ARHGEF3: variants seen among roughly 807,000 people sequenced by gnomAD.
ARHGEF3 encodes the protein Rho guanine nucleotide exchange factor 3.
A neutral mutation model predicts 63.2 loss-of-function variants in ARHGEF3; 28 were observed. That is an observed-to-expected ratio of 0.44 (90% CI 0.33 to 0.61). ARHGEF3 has a LOEUF of 0.61. ARHGEF3 is among the 20% of genes least tolerant of loss of function. The pLI, the probability that ARHGEF3 is intolerant of heterozygous loss-of-function variation, is 0.03. For missense variants in ARHGEF3, 533 were observed against 659.3 expected (o/e 0.81, Z 2.10); for synonymous variants, 266 against 254.2 (o/e 1.05, Z -0.44).
chr3:57,067,077 C>A (rs1003117193), intron 1 of ARHGEF3, among the ~76,000 whole-genome samples: 19 of 152,202 alleles, frequency 1.2e-4, no homozygotes, highest in African/African-American at 4.6e-4. Context: ...AGGACCTGTA[C>A]TTGCATGAAA....
intron 3 of ARHGEF3, among the ~76,000 whole-genome samples, chr3:56,892,338 A>C (rs1227280661): frequency 6.6e-6 from 1 of 152,166 alleles, no homozygotes; most frequent in Non-Finnish European, 1.5e-5. Flanking sequence ...ATGTGACGCA[A>C]AGCACAAAAT....
intron 1 of ARHGEF3, chr3:57,073,808 G>A (rs776835405): frequency 3.7e-6 from 6 of 1,614,196 alleles, no homozygotes; most frequent in Middle Eastern, 1.6e-4. Context: ...GAGGCCTTGG[G>A]TCATCCACCC....
intron 4 of ARHGEF3, among the ~76,000 whole-genome samples, chr3:56,827,888 T>TG (rs1338422358): frequency 7.8e-6 from 1 of 127,900 alleles, no homozygotes; most frequent in African/African-American, 3.0e-5. Context: ...AAGGCTGCAC[T>TG]GAGCCATGAT....
intron 3 of ARHGEF3, among the ~76,000 whole-genome samples, chr3:56,917,969 T>A (rs568639197): frequency 1.3e-5 from 2 of 152,306 alleles, no homozygotes; most frequent in South Asian, 4.1e-4. Context: ...CAAATGACAG[T>A]GTCCACTGAG....
At chr3:57,055,162 G>GTTTTTTTT (rs1560165562) in intron 1 of ARHGEF3, among the ~76,000 whole-genome samples, 2 of 139,800 alleles carry the variant, frequency 1.4e-5, no homozygotes, top group African/African-American at 5.4e-5. Flanking sequence ...TTCTCTTTAT[G>GTTTTTTTT]CTTTTTTTTT....
At chr3:56,834,746 C>CAAAAA (rs763133636) in intron 4 of ARHGEF3, among the ~76,000 whole-genome samples, 1 of 69,746 alleles carries the variant, frequency 1.4e-5, no homozygotes, top group Non-Finnish European at 3.1e-5. Flanking sequence ...CTCTGACTTA[C>CAAAAA]AAAAAAAAAA....
intron 3 of ARHGEF3, among the ~76,000 whole-genome samples, chr3:56,914,656 G>A (rs1045085865): frequency 1.1e-4 from 17 of 152,056 alleles, no homozygotes; most frequent in African/African-American, 3.1e-4. Context: ...GTACAATAAC[G>A]GAATATTCTT....
chr3:56,736,259 G>A (rs1284713275), intron 8 of ARHGEF3, among the ~76,000 whole-genome samples: 1 of 152,108 alleles, frequency 6.6e-6, no homozygotes, highest in Non-Finnish European at 1.5e-5. Context: ...AAACAACATG[G>A]TATAATGGAA....
chr3:57,005,957 C>T (rs1702450800), intron 2 of ARHGEF3, among the ~76,000 whole-genome samples: 1 of 152,154 alleles, frequency 6.6e-6, no homozygotes, highest in South Asian at 2.1e-4. Context: ...ATGATGAGCA[C>T]CTATTAGAAG....
intron 5 of ARHGEF3, 32 bp downstream of exon 5, chr3:56,751,268 A>C: frequency 1.9e-6 from 3 of 1,583,184 alleles, no homozygotes; most frequent in Non-Finnish European, 2.6e-6. Context: ...TAAGGCTACA[A>C]GTCACGACTC....
At chr3:56,861,055 C>G (rs1367717523) in intron 4 of ARHGEF3, among the ~76,000 whole-genome samples, 4 of 152,166 alleles carry the variant, frequency 2.6e-5, no homozygotes, top group Non-Finnish European at 1.5e-5. Context: ...TAGGAGAGGC[C>G]CCTGTGCAAA....
intron 2 of ARHGEF3, among the ~76,000 whole-genome samples, chr3:57,025,197 G>A (rs1484823798): frequency 6.6e-6 from 1 of 152,236 alleles, no homozygotes; most frequent in East Asian, 1.9e-4. Context: ...CTTTAGCCAG[G>A]AATGGGCCGA....
At chr3:56,926,437 T>C (rs890709311) in intron 3 of ARHGEF3, among the ~76,000 whole-genome samples, 1 of 152,254 alleles carries the variant, frequency 6.6e-6, no homozygotes, top group African/African-American at 2.4e-5. Flanking sequence ...ACAGTGGCCA[T>C]GGCCATAGAA....
chr3:56,759,790 C>A (rs1224585640), intron 2 of ARHGEF3, among the ~76,000 whole-genome samples: 1 of 152,158 alleles, frequency 6.6e-6, no homozygotes, highest in Non-Finnish European at 1.5e-5. Flanking sequence ...AAGAGATCCT[C>A]CCGCCTCAGC....
At chr3:57,075,499 T>G in intron 1 of ARHGEF3, 1 of 143,578 alleles carries the variant, frequency 7.0e-6, no homozygotes. Flanking sequence ...TCTTTTTTTT[T>G]CTTCTTTTTT....
intron 2 of ARHGEF3, among the ~76,000 whole-genome samples, chr3:56,986,166 C>T (rs1701527602): frequency 6.6e-6 from 1 of 152,206 alleles, no homozygotes. Context: ...CACCCACAAA[C>T]TACCAGCAAC....
intron 3 of ARHGEF3, among the ~76,000 whole-genome samples, chr3:56,900,456 G>T (rs1352988690): frequency 7.9e-5 from 12 of 152,092 alleles, no homozygotes; most frequent in African/African-American, 2.4e-4. Flanking sequence ...TGGGCAACAT[G>T]GCAGAACCCA....
intron 2 of ARHGEF3, among the ~76,000 whole-genome samples, chr3:56,959,214 A>T (rs1041082701): frequency 2.6e-5 from 4 of 152,202 alleles, no homozygotes; most frequent in African/African-American, 9.7e-5. Flanking sequence ...CATAGACTCA[A>T]TTCCCACATG....
intron 4 of ARHGEF3, among the ~76,000 whole-genome samples, chr3:56,845,633 TG>T (rs1044543345): frequency 6.6e-6 from 1 of 152,216 alleles, no homozygotes; most frequent in African/African-American, 2.4e-5. Flanking sequence ...ATTATCTCCC[TG>T]GGAGATTTCC....
Sources: allele counts gnomAD v4.1 joint callset (sites outside exome capture counted in the v4.1 genomes callset), GRCh38; gene constraint gnomAD v4.1.1; transcripts MANE v1.5; gene names NCBI Gene and HGNC (gene_info 2026-07-23, HGNC 2026-07-21).